ITGA3: variants seen among roughly 807,000 people sequenced by gnomAD.
ITGA3 encodes integrin subunit alpha 3.
Under a neutral mutation model 131.1 loss-of-function variants are expected in ITGA3, and 70 were observed. That is an observed-to-expected ratio of 0.53 (90% CI 0.44 to 0.65). The LOEUF is 0.65. Among genes scored for constraint, ITGA3 ranks in the 30% least tolerant of loss-of-function variants. ITGA3 has a pLI of 0.00. For synonymous variants in ITGA3, 537 were observed against 571.6 expected (o/e 0.94, Z 0.86); for missense variants, 1,098 against 1,388.6 (o/e 0.79, Z 3.33).
intron 23 of ITGA3, chr17:50,086,655 C>G (rs1339348139): frequency 1.4e-5 from 2 of 142,596 alleles, no homozygotes; most frequent in African/African-American, 5.2e-5. Flanking sequence ...TGCCACTGCA[C>G]TCCACCCTCA....
intron 1 of ITGA3, among the ~76,000 whole-genome samples, chr17:50,057,299 TC>T (rs1397260812): frequency 6.6e-6 from 1 of 152,194 alleles, no homozygotes; most frequent in Non-Finnish European, 1.5e-5. Flanking sequence ...AGTGGCACTC[TC>T]CCCGCAGACA....
intron 18 of ITGA3, 34 bp from the exon 19 acceptor site, chr17:50,078,790 T>TCC: frequency 7.5e-7 from 1 of 1,337,202 alleles, no homozygotes; most frequent in Non-Finnish European, 1.1e-6. Context: ...TGGTCTCTTG[T>TCC]CCCCCGTGAC....
Position 50,056,682 on chromosome 17 carries a change from G to T in ITGA3, c.206+37G>T. On this transcript the variant is annotated intron_variant, in intron 1 of 25. Coordinates refer to ENST00000320031, the MANE Select transcript of ITGA3 (RefSeq NM_002204.4). The surrounding 1 kb of genome is among the most constrained non-coding windows in gnomAD (Gnocchi z 5.6). ...TGGAGGGTGTGGGGTGGGAGCGAGAGAGTGTGCGAGCGCGGGATGCGGGTC... is the reference window on the plus strand; with the variant it reads ...TGGAGGGTGTGGGGTGGGAGCGAGATAGTGTGCGAGCGCGGGATGCGGGTC... 1 of 1,562,172 alleles carries T rather than the reference G, an allele frequency of 6.4e-7. No homozygotes were observed. Among genetic ancestry groups the T allele is most frequent in the South Asian group, 1.2e-5 (1 of 85,114 alleles).
rs1908265356 is a variant in ITGA3, at chr17:50,064,968, C to T, written c.414+361C>T. ...GCTCAGCGCTGGCTGGCGCTCCTTC[C>T]TGGGAGGCTGACTGCCGGAAGAGGC... On this transcript the variant is annotated intron_variant, in intron 3 of 25. Coordinates refer to ENST00000320031, the MANE Select transcript of ITGA3 (RefSeq NM_002204.4). The surrounding 1 kb of genome is among the most constrained non-coding windows in gnomAD (Gnocchi z 4.4). The T allele has an allele frequency of 5.5e-6, 1 of 182,414 alleles. No homozygotes were observed. Among genetic ancestry groups the T allele is most frequent in the Non-Finnish European group, 1.1e-5 (1 of 88,308 alleles). The allele number at this position is 182,414 out of a possible 1,614,324, so 11.3% of individuals were successfully genotyped here. A position where few individuals can be genotyped will look rare whatever the true frequency, so the allele number is the denominator to read the frequency against.
At chr17:50,072,694 A>C (rs1419764993) in intron 7 of ITGA3, among the ~76,000 whole-genome samples, 1 of 152,078 alleles carries the variant, frequency 6.6e-6, no homozygotes, top group Non-Finnish European at 1.5e-5. Flanking sequence ...ACCCTGAAGG[A>C]TGATTCTGGA....
chr17:50,078,645 G>A (rs545188993), intron 18 of ITGA3, among the ~76,000 whole-genome samples, 179 bp from the exon 19 acceptor site: 1 of 152,298 alleles, frequency 6.6e-6, no homozygotes, highest in East Asian at 1.9e-4. Context: ...AGGAGACTGA[G>A]GCTCAGAGAG....
Position 50,056,582 on chromosome 17 carries a change from C to T in ITGA3, c.143C>T (p.Pro48Leu). The T allele has an allele frequency of 1.9e-6, 3 of 1,590,470 alleles. No individual in the cohort carries two copies. The highest frequency in any genetic ancestry group is 2.6e-6 in the Non-Finnish European group (3 of 1,169,522). Reference protein sequence around the residue: ...RFLVVKEAGNPGSLFGYSVAL... With the variant: ...RFLVVKEAGNLGSLFGYSVAL... The stretch of plus-strand genomic sequence containing the variant: ...CTGGTAGTGAAGGAGGCCGGGAACC[C>T]GGGCAGCCTCTTCGGCTACTCGGTC... The change falls in exon 1 of 26, where the codon CCG becomes CTG. Residue 48 changes from proline (P) to leucine (L), a missense_variant. Coordinates refer to ENST00000320031, the MANE Select transcript of ITGA3 (RefSeq NM_002204.4). The surrounding 1 kb of genome is among the most constrained non-coding windows in gnomAD (Gnocchi z 5.6).
intron 4 of ITGA3, among the ~76,000 whole-genome samples, 176 bp from the exon 5 acceptor site, chr17:50,070,668 A>AAG (rs1908581822): frequency 7.1e-6 from 1 of 140,942 alleles, no homozygotes; most frequent in Non-Finnish European, 1.5e-5. Context: ...AAAAAAAAAA[A>AAG]GGAAAAAAGA....
intron 7 of ITGA3, among the ~76,000 whole-genome samples, chr17:50,072,504 G>A (rs1178537356): frequency 6.8e-6 from 1 of 147,924 alleles, no homozygotes. Context: ...AATCTAGCGG[G>A]TGTAGAGTGT....
At chr17:50,084,978 C>T (rs753980651) in intron 23 of ITGA3, among the ~76,000 whole-genome samples, 1 of 151,858 alleles carries the variant, frequency 6.6e-6, no homozygotes, top group Non-Finnish European at 1.5e-5. Context: ...TTTGGGAGGC[C>T]GAGGCGGGCA....
chr17:50,077,148 C>T, intron 15 of ITGA3, 27 bp downstream of exon 15: 1 of 1,518,958 alleles, frequency 6.6e-7, no homozygotes, highest in Non-Finnish European at 8.9e-7. Flanking sequence ...CGGCTCAGAG[C>T]CCAAGCAGGG....
Position 50,089,252 on chromosome 17 carries a change from AC to A in ITGA3, c.*176del, listed in dbSNP as rs1280959910. 14 of 1,612,744 alleles carry A rather than the reference AC, an allele frequency of 8.7e-6. No individual in the cohort carries two copies. Among genetic ancestry groups the A allele is most frequent in the East Asian group, 2.2e-5 (1 of 44,814 alleles). ...TGGGTGACCAGCTGGCAGACTCGGG[AC>A]CAATACTACTGACGTCCTCCCTGAT... On this transcript the variant is annotated 3_prime_UTR_variant, in exon 26 of 26. Transcript: ENST00000320031.
At chr17:50,085,437 G>C (rs927815902) in intron 23 of ITGA3, among the ~76,000 whole-genome samples, 1 of 151,876 alleles carries the variant, frequency 6.6e-6, no homozygotes, top group African/African-American at 2.4e-5. Flanking sequence ...CGTCGAGGCA[G>C]GTGGACCACT....
chr17:50,078,761 C>T, intron 18 of ITGA3, 63 bp from the exon 19 acceptor site: 1 of 942,406 alleles, frequency 1.1e-6, no homozygotes. Context: ...TTGGTGCCCA[C>T]CCCCCTCTGC....
chr17:50,089,638 T>G lies in ITGA3; in HGVS notation c.*560T>G. On this transcript the variant is annotated 3_prime_UTR_variant, in exon 26 of 26. Transcript: ENST00000320031. ...AGCCGGGAGGAAAAGGCCCCTGCAA[T>G]GTGGTGACACCTCCCCCTTTCACAC... is the stretch of plus-strand genomic sequence containing the variant. 4.7e-6 allele frequency: 1 copy of G among 214,034 alleles called. No homozygotes were observed. The highest frequency in any genetic ancestry group is 9.6e-6 in the Non-Finnish European group (1 of 104,640). The allele number at this position is 214,034 out of a possible 1,614,324, so 13.3% of individuals were successfully genotyped here.
chr17:50,078,026 C>T lies in ITGA3; in HGVS notation c.2140-20C>T. ...CCAGGCCCCATATGCCACTCTCTGC[C>T]TCCCTGACCCTTGTGGCAGATGGAG... On this transcript the variant is annotated intron_variant, in intron 16 of 25. Transcript: ENST00000320031. 1 of 1,599,304 alleles carries T rather than the reference C, an allele frequency of 6.3e-7. No homozygotes were observed. Among genetic ancestry groups the T allele is most frequent in the Non-Finnish European group, 8.6e-7 (1 of 1,168,350 alleles).
At chr17:50,080,442 C>A (rs1258340601) in intron 22 of ITGA3, 67 bp downstream of exon 22, 4 of 852,534 alleles carry the variant, frequency 4.7e-6, no homozygotes, top group Admixed American at 2.1e-5. Flanking sequence ...AGGGAGAGGG[C>A]GAGTCCAGGG....
rs774129318 is a variant in ITGA3, at chr17:50,077,995, C to A, written c.2140-51C>A. The A allele has an allele frequency of 6.8e-6, 10 of 1,473,516 alleles. No homozygotes were observed. The East Asian group carries it at 2.3e-4, about 34-fold the overall frequency. The allele number at this position is 1,473,516 out of a possible 1,614,324, so 91.3% of individuals were successfully genotyped here. On this transcript the variant is annotated intron_variant, in intron 16 of 25. Transcript: ENST00000320031. Reference sequence around the variant, plus strand: ...CATCCCCTCCTTCCCCATGACATCACCCCCGCCAGGCCCCATATGCCACTC... The same window carrying A: ...CATCCCCTCCTTCCCCATGACATCAACCCCGCCAGGCCCCATATGCCACTC...
intron 23 of ITGA3, among the ~76,000 whole-genome samples, chr17:50,085,042 G>C (rs538356599): frequency 6.7e-6 from 1 of 150,106 alleles, no homozygotes; most frequent in African/African-American, 2.4e-5. Flanking sequence ...GTGAAACCCC[G>C]GCTCTACTAA....
Sources: gnomAD v4.1 joint callset for allele counts (sites outside exome capture counted in the v4.1 genomes callset) on GRCh38, gnomAD v4.1.1 for gene constraint, Gnocchi (gnomAD v3.1) non-coding constraint, MANE v1.5 for transcripts, NCBI Gene and HGNC (gene_info 2026-07-23, HGNC 2026-07-21) for gene names.